The following GRID2 variants were observed in gnomAD, a reference collection of about 807,000 sequenced individuals.
The protein encoded by GRID2 is glutamate receptor ionotropic, delta-2.
GRID2 carries 33 observed loss-of-function variants against 114.8 expected under a neutral mutation model. The observed-to-expected ratio is 0.29, with a 90% CI of 0.22 to 0.38. The LOEUF is 0.38. Ranked by LOEUF, GRID2 falls within the 10% of genes least tolerant of loss-of-function variation. The pLI is 1.00. For synonymous variants in GRID2, 505 were observed against 449.9 expected (o/e 1.12, Z -1.55); for missense variants, 1,184 against 1,257.7 (o/e 0.94, Z 0.89).
At chr4:93,589,379 A>C (rs1478460511) in intron 13 of GRID2, among the ~76,000 whole-genome samples, 1 of 151,800 alleles carries the variant, frequency 6.6e-6, no homozygotes, top group East Asian at 1.9e-4. Context: ...AAAGGACATG[A>C]ACTCATCATT....
intron 2 of GRID2, among the ~76,000 whole-genome samples, chr4:92,643,756 G>A (rs772863729): frequency 6.6e-5 from 10 of 151,390 alleles, no homozygotes; most frequent in Non-Finnish European, 1.5e-4. Context: ...CTCTGCACCT[G>A]GCCAAATTTA....
At chr4:92,988,348 C>A (rs1369587916) in intron 2 of GRID2, among the ~76,000 whole-genome samples, 6 of 152,076 alleles carry the variant, frequency 3.9e-5, no homozygotes, top group Admixed American at 3.9e-4. Context: ...TGGCTGAAAA[C>A]CAGTGTGAAT....
chr4:92,980,101 G>A (rs1037804666), intron 2 of GRID2, among the ~76,000 whole-genome samples: 9 of 152,060 alleles, frequency 5.9e-5, no homozygotes, highest in African/African-American at 2.2e-4. Flanking sequence ...ATATAAATAT[G>A]ATTTTGCAGC....
At chr4:93,533,290 C>CTTCCTTCCTTCT (rs1560722418) in intron 13 of GRID2, among the ~76,000 whole-genome samples, 1 of 134,642 alleles carries the variant, frequency 7.4e-6, no homozygotes, top group East Asian at 2.3e-4. Flanking sequence ...TCCTTCCTTC[C>CTTCCTTCCTTCT]TTCCTTCCTT....
At chr4:93,662,069 G>A (rs887313163) in intron 14 of GRID2, among the ~76,000 whole-genome samples, 2 of 152,060 alleles carry the variant, frequency 1.3e-5, no homozygotes, top group African/African-American at 4.8e-5. Context: ...GAGGTTTATG[G>A]AACATCCCAG....
intron 2 of GRID2, among the ~76,000 whole-genome samples, chr4:92,933,060 A>C (rs1750366082): frequency 2.0e-5 from 3 of 150,526 alleles, no homozygotes; most frequent in African/African-American, 7.3e-5. Flanking sequence ...ATACTTAAAA[A>C]CCTCTCCATT....
At chr4:92,615,988 G>T (rs1729987963) in intron 2 of GRID2, among the ~76,000 whole-genome samples, 2 of 151,472 alleles carry the variant, frequency 1.3e-5, no homozygotes, top group Non-Finnish European at 3.0e-5. Context: ...TGTGATTTAT[G>T]CATTTCTTTT....
chr4:93,117,613 C>T (rs369306800), intron 4 of GRID2, among the ~76,000 whole-genome samples: 4 of 152,044 alleles, frequency 2.6e-5, no homozygotes, highest in African/African-American at 9.7e-5. Context: ...CTATGACAAG[C>T]AAGTGTTCTT....
chr4:92,546,372 A>G (rs577023423), intron 1 of GRID2, among the ~76,000 whole-genome samples: 1 of 152,312 alleles, frequency 6.6e-6, no homozygotes, highest in South Asian at 2.1e-4. Flanking sequence ...ATGTTTTCAG[A>G]CAGACCCTTT....
Position 93,769,325 on chromosome 4 carries a change from C to G in GRID2, c.2476C>G (p.Leu826Val). 4 of 1,614,120 alleles carry G rather than the reference C, an allele frequency of 2.5e-6. No individual in the cohort carries two copies. Among genetic ancestry groups the G allele is most frequent in the Non-Finnish European group, 3.4e-6 (4 of 1,179,990 alleles). The change falls in exon 15 of 16, where the codon CTG (leucine) becomes GTG (valine). Residue 826 changes from leucine to valine, a missense_variant. Coordinates refer to ENST00000282020, the MANE Select transcript of GRID2 (RefSeq NM_001510.4). ...SVDTKQKGGALDIKSFAGVFC... is the reference protein window; with the variant it reads ...SVDTKQKGGAVDIKSFAGVFC... ...GGACACAAAGCAGAAAGGAGGCGCC[C>G]TGGACATAAAGAGCTTTGCAGGGGT...
At chr4:93,341,095 C>G (rs1024946705) in intron 8 of GRID2, among the ~76,000 whole-genome samples, 2 of 151,998 alleles carry the variant, frequency 1.3e-5, no homozygotes, top group African/African-American at 2.4e-5. Context: ...AGAAATCTTT[C>G]TTTTTTCAAA....
At chr4:93,054,826 A>T (rs970082702) in intron 2 of GRID2, among the ~76,000 whole-genome samples, 3 of 151,850 alleles carry the variant, frequency 2.0e-5, no homozygotes, top group Non-Finnish European at 4.4e-5. Flanking sequence ...TTGAAAAAAA[A>T]TCAAAAGAAA....
chr4:93,124,412 T>C (rs1244402750), intron 4 of GRID2, among the ~76,000 whole-genome samples: 1 of 152,226 alleles, frequency 6.6e-6, no homozygotes, highest in African/African-American at 2.4e-5. Context: ...TATATGCTGA[T>C]TTCTATTTAA....
chr4:93,161,231 C>T (rs1031655343), intron 4 of GRID2, among the ~76,000 whole-genome samples: 36 of 151,920 alleles, frequency 2.4e-4, no homozygotes, highest in African/African-American at 7.7e-4. Flanking sequence ...TTCTGAGAAA[C>T]TTTTATTTAA....
chr4:93,484,950 G>C (rs536585349), intron 11 of GRID2, among the ~76,000 whole-genome samples: 1 of 151,886 alleles, frequency 6.6e-6, no homozygotes, highest in African/African-American at 2.4e-5. Flanking sequence ...ACCTAATGGG[G>C]GAAATTTCTG....
chr4:92,790,971 T>G (rs1739559443), intron 2 of GRID2, among the ~76,000 whole-genome samples: 1 of 151,840 alleles, frequency 6.6e-6, no homozygotes, highest in African/African-American at 2.4e-5. Context: ...TTTTAATCTC[T>G]ATGCTTTTGT....
chr4:93,291,964 A>G (rs1206326038), intron 8 of GRID2, among the ~76,000 whole-genome samples: 1 of 152,208 alleles, frequency 6.6e-6, no homozygotes, highest in African/African-American at 2.4e-5. Flanking sequence ...AGAATACAAT[A>G]TATTGTTATT....
intron 1 of GRID2, among the ~76,000 whole-genome samples, chr4:92,372,491 G>T (rs1219756954): frequency 6.6e-6 from 1 of 152,188 alleles, no homozygotes; most frequent in Non-Finnish European, 1.5e-5. Flanking sequence ...AGAAGGTTCA[G>T]ATGGTTGTCT....
intron 2 of GRID2, among the ~76,000 whole-genome samples, chr4:92,944,050 C>T (rs1233463414): frequency 2.0e-5 from 3 of 152,154 alleles, no homozygotes; most frequent in African/African-American, 4.8e-5. Context: ...CTTGAGGAGG[C>T]AATCTGTCCA....
Sources: gnomAD v4.1 joint callset for allele counts (sites outside exome capture counted in the v4.1 genomes callset) on GRCh38, gnomAD v4.1.1 for gene constraint, MANE v1.5 for transcripts, NCBI Gene and HGNC (gene_info 2026-07-23, HGNC 2026-07-21) for gene names.